Variants in ZMYM4 observed in about 807,000 individuals in gnomAD.
ZMYM4 encodes zinc finger MYM-type containing 4.
In ZMYM4, 31 loss-of-function variants were observed where a neutral mutation model predicts 183.2. The ratio of observed to expected loss-of-function variants is 0.17; its 90% CI spans 0.13 to 0.23. The LOEUF (loss-of-function observed/expected upper bound fraction) is 0.23, where lower values mean the gene tolerates loss of function less well. ZMYM4 is among the 10% of genes least tolerant of loss of function. The pLI is 1.00. For synonymous variants in ZMYM4, 592 were observed against 631.2 expected (o/e 0.94, Z 0.93); for missense variants, 1,273 against 1,840.3 (o/e 0.69, Z 5.64).
At chr1:35,272,936 G>T (rs993814390) in intron 1 of ZMYM4, among the ~76,000 whole-genome samples, 6 of 152,002 alleles carry the variant, frequency 3.9e-5, no homozygotes, top group Non-Finnish European at 8.8e-5. Flanking sequence ...GGATGGTCTC[G>T]ATCTCCTGAC....
rs568111190 is a variant in ZMYM4, at chr1:35,281,115, T to G, written c.39+12030T>G. Reference sequence around the variant, plus strand: ...CTGGCTAACACAGTGAAACCCTGTCTCTACTAAAAATACAAAAAATTAGCC... The same window carrying G: ...CTGGCTAACACAGTGAAACCCTGTCGCTACTAAAAATACAAAAAATTAGCC... On this transcript the variant is annotated intron_variant, in intron 1 of 29. Transcript: ENST00000314607. Among the ~76,000 whole-genome samples the G allele has an allele frequency of 3.3e-5, 5 of 152,132 alleles. No homozygotes were observed. The South Asian group carries it at 1.0e-3, about 32-fold the overall frequency.
At chr1:35,293,405 C>G (rs1640856617) in intron 1 of ZMYM4, among the ~76,000 whole-genome samples, 1 of 151,970 alleles carries the variant, frequency 6.6e-6, no homozygotes, top group African/African-American at 2.4e-5. Flanking sequence ...CCTGTGCCTC[C>G]CGGGTTCAAG....
intron 2 of ZMYM4, among the ~76,000 whole-genome samples, chr1:35,341,909 T>C (rs1316392090): frequency 1.3e-5 from 2 of 152,172 alleles, no homozygotes; most frequent in Admixed American, 6.5e-5. Context: ...CTGAATAATA[T>C]TCATATTTAT....
At position 35,398,416 on chromosome 1, in the gene ZMYM4, C is replaced by T. The variant is rs937646756; in HGVS notation, c.3203C>T (p.Ser1068Phe). 3 of 1,608,724 alleles carry T rather than the reference C, an allele frequency of 1.9e-6. No individual in the cohort carries two copies. Among genetic ancestry groups the T allele is most frequent in the Admixed American group, 3.4e-5 (2 of 58,900 alleles). The change falls in exon 21 of 30, where the codon TCC becomes TTC. Residue 1068 changes from serine to phenylalanine, a missense_variant. Around this residue, in one of 6 missense-constraint regions of ZMYM4, gnomAD observed 290 missense variants for 353.3 expected, o/e 0.82. Coordinates refer to ENST00000314607, the MANE Select transcript of ZMYM4 (RefSeq NM_005095.3). ...ATGTGCTTTTCTTTTTCTTTAGAGT[C>T]CCAAACTTCTGAACACGAACTCTTT... is the stretch of plus-strand genomic sequence containing the variant. ...EEKKTLSQGE[S>F]QTSEHELFLD...
chr1:35,287,218 AT>A lies in ZMYM4; in HGVS notation c.39+18149del, dbSNP rs57318032. On this transcript the variant is annotated intron_variant, in intron 1 of 29. Transcript: ENST00000314607. ...TCTTCTACAATAGTGGTTTTACTTA[AT>A]TTTTTTTTTTTTTTTACTTAGTATT... is the stretch of plus-strand genomic sequence containing the variant. 5.0e-3 allele frequency among the ~76,000 whole-genome samples: 682 copies of A among 135,274 alleles called. 2 individuals carry two copies. The highest frequency in any genetic ancestry group is 0.01 in the African/African-American group (379 of 37,220). The allele number at this position is 135,274 out of a possible 152,430, so 88.7% of individuals were successfully genotyped here.
chr1:35,386,193 T>C lies in ZMYM4; in HGVS notation c.1836+4T>C. 1 of 1,609,706 alleles carries C rather than the reference T, an allele frequency of 6.2e-7. No individual in the cohort carries two copies. The highest frequency in any genetic ancestry group is 8.5e-7 in the Non-Finnish European group (1 of 1,176,638). ...CAGCTGTGTGGTAGCTTTCCAGGTA[T>C]GGCTTCAGGAACCTTCCTCTTCTTC... is the stretch of plus-strand genomic sequence containing the variant. On this transcript the variant is annotated splice_donor_region_variant and intron_variant, in intron 11 of 29. Transcript: ENST00000314607.
chr1:35,321,957 T>TA (rs550322703), intron 1 of ZMYM4, among the ~76,000 whole-genome samples: 43 of 144,260 alleles, frequency 3.0e-4, no homozygotes, highest in Middle Eastern at 7.1e-3. Context: ...ATATTGCATT[T>TA]AAAAAAAAAA....
intron 23 of ZMYM4, among the ~76,000 whole-genome samples, chr1:35,402,614 G>A (rs1201242058): frequency 6.6e-6 from 1 of 151,348 alleles, no homozygotes; most frequent in African/African-American, 2.4e-5. Flanking sequence ...GCGAGACCCT[G>A]TCTCAAAAAA....
At chr1:35,331,923 A>G (rs989585840) in intron 2 of ZMYM4, among the ~76,000 whole-genome samples, 1 of 151,906 alleles carries the variant, frequency 6.6e-6, no homozygotes, top group African/African-American at 2.4e-5. Flanking sequence ...GTAGGATAAG[A>G]GGGTGGTAAA....
intron 1 of ZMYM4, among the ~76,000 whole-genome samples, chr1:35,318,054 GTTTTTTTTTTT>G (rs58071694): frequency 1.2e-4 from 14 of 116,618 alleles, no homozygotes; most frequent in Non-Finnish European, 2.2e-4. Flanking sequence ...GATTATGGCA[GTTTTTTTTTTT>G]TTTTTTTTTT....
At chr1:35,380,335 T>A (rs1220006181) in intron 7 of ZMYM4, among the ~76,000 whole-genome samples, 1 of 151,736 alleles carries the variant, frequency 6.6e-6, no homozygotes, top group East Asian at 1.9e-4. Context: ...TATTTATTTA[T>A]TTATTTTTTT....
rs533097563 is a variant in ZMYM4 at position 35,409,708 on chromosome 1, G to A, written c.3948+1549G>A. Reference sequence around the variant, plus strand: ...TGTAATCCCAGCACTTTGGGAGGCCGAGGCAGGCAGATCACGAGGTCAGGA... The same window carrying A: ...TGTAATCCCAGCACTTTGGGAGGCCAAGGCAGGCAGATCACGAGGTCAGGA... On this transcript the variant is annotated intron_variant, in intron 26 of 29. Coordinates refer to ENST00000314607, the MANE Select transcript of ZMYM4 (RefSeq NM_005095.3). 4.6e-5 allele frequency among the ~76,000 whole-genome samples: 7 copies of A among 152,134 alleles called. No individual in the cohort carries two copies. The East Asian group carries it at 5.8e-4, about 13-fold the overall frequency.
At position 35,394,162 on chromosome 1, in the gene ZMYM4, C is replaced by CTTTTTTTTT. The variant is rs34277367; in HGVS notation, c.2911+445_2911+453dup. ...CCTTTGAGGAGAGCTTCAGAGCTTT[C>CTTTTTTTTT]TTTTTTTTTTTTTTTTTTTTTTTTT... is the stretch of plus-strand genomic sequence containing the variant. On this transcript the variant is annotated intron_variant, in intron 18 of 29. Coordinates refer to ENST00000314607, the MANE Select transcript of ZMYM4 (RefSeq NM_005095.3). 3.0e-3 allele frequency among the ~76,000 whole-genome samples: 208 copies of CTTTTTTTTT among 68,428 alleles called. 35 individuals carry two copies. In the East Asian group the frequency reaches 0.036, roughly 12 times the overall value. 44.9% of individuals were successfully genotyped at this position (68,428 alleles called of 152,430 possible).
Position 35,389,779 on chromosome 1 carries a change from A to ATGTGTGTGTGTGTG in ZMYM4, c.2437-168_2437-167insGTGTGTGTGTGTGT, listed in dbSNP as rs879004452. Among the ~76,000 whole-genome samples the ATGTGTGTGTGTGTG allele has an allele frequency of 5.1e-4, 58 of 114,290 alleles. No individual in the cohort carries two copies. The highest frequency in any genetic ancestry group is 2.5e-3 in the African/African-American group (42 of 16,644). The allele number at this position is 114,290 out of a possible 152,430, so 75.0% of individuals were successfully genotyped here. On this transcript the variant is annotated intron_variant, in intron 14 of 29. Transcript: ENST00000314607. This position sits in a 1 kb window ranked among gnomAD's most constrained non-coding sequence, Gnocchi z 4.0. ...CAAAAAAAAAAAAAAATATATATAT[A>ATGTGTGTGTGTGTG]TATGTGTGTGTGTGTGTGTGTGTGT...
intron 1 of ZMYM4, among the ~76,000 whole-genome samples, chr1:35,280,522 A>G (rs1640105504): frequency 6.6e-6 from 1 of 152,218 alleles, no homozygotes; most frequent in African/African-American, 2.4e-5. Context: ...GCCATAAGAA[A>G]TTACCACAAA....
At position 35,269,190 on chromosome 1, in the gene ZMYM4, G is replaced by A. The variant is rs1014168473; in HGVS notation, c.39+105G>A. 30 of 1,372,310 alleles carry A rather than the reference G, an allele frequency of 2.2e-5. No homozygotes were observed. In the Middle Eastern group the frequency reaches 1.0e-3, roughly 46 times the overall value. 85.0% of individuals were successfully genotyped at this position (1,372,310 alleles called of 1,614,324 possible). A position where few individuals can be genotyped will look rare whatever the true frequency, so the allele number is the denominator to read the frequency against. The stretch of plus-strand genomic sequence containing the variant: ...TGGAGGGGTCGCCGAGGCCCAGTTA[G>A]GACAAGGTTGCGGGCAGGTCTGAGG... On this transcript the variant is annotated intron_variant, in intron 1 of 29. Transcript: ENST00000314607.
chr1:35,389,039 G>C lies in ZMYM4; in HGVS notation c.2393G>C (p.Cys798Ser). 1 of 1,614,064 alleles carries C rather than the reference G, an allele frequency of 6.2e-7. No individual in the cohort carries two copies. The highest frequency in any genetic ancestry group is 8.5e-7 in the Non-Finnish European group (1 of 1,179,990). Reference sequence around the variant, plus strand: ...TTAGGAGGGAAAGTGGAAGAGTTCTGTTGTGAAGAATGCATGTCCAAATAT... The same window carrying C: ...TTAGGAGGGAAAGTGGAAGAGTTCTCTTGTGAAGAATGCATGTCCAAATAT... ...NNLGGKVEEFCCEECMSKYTV... is the reference protein window; with the variant it reads ...NNLGGKVEEFSCEECMSKYTV... The change falls in exon 14 of 30, where the codon TGT becomes TCT. Residue 798 changes from cysteine (C) to serine (S), a missense_variant. Physicochemically the swap from Cys to Ser is moderately radical, Grantham distance 112. Coordinates refer to ENST00000314607, the MANE Select transcript of ZMYM4 (RefSeq NM_005095.3). The surrounding 1 kb of genome is among the most constrained non-coding windows in gnomAD (Gnocchi z 4.0).
chr1:35,372,371 A>C (rs1644232580), intron 7 of ZMYM4, among the ~76,000 whole-genome samples: 3 of 152,198 alleles, frequency 2.0e-5, no homozygotes, highest in African/African-American at 7.2e-5. Context: ...ATAAACCATG[A>C]GGAAGTAGTT....
At chr1:35,373,868 TA>T (rs1370246284) in intron 7 of ZMYM4, among the ~76,000 whole-genome samples, 2 of 151,998 alleles carry the variant, frequency 1.3e-5, no homozygotes, top group African/African-American at 4.8e-5. Context: ...AAGCTATACT[TA>T]CTACTTTATA....
Sources: allele counts gnomAD v4.1 joint callset (sites outside exome capture counted in the v4.1 genomes callset), GRCh38; gene constraint gnomAD v4.1.1; regional missense constraint gnomAD v4.1.1; non-coding constraint Gnocchi (gnomAD v3.1); transcripts MANE v1.5; gene names NCBI Gene and HGNC (gene_info 2026-07-23, HGNC 2026-07-21).